The following GSTCD variants were observed in gnomAD, a reference collection of about 807,000 sequenced individuals.
GSTCD encodes the protein glutathione S-transferase C-terminal domain-containing protein.
A neutral mutation model predicts 68.3 loss-of-function variants in GSTCD; 44 were observed. That is an observed-to-expected ratio of 0.64 (90% CI 0.51 to 0.83). The LOEUF is 0.83. GSTCD is among the 40% of genes least tolerant of loss of function. GSTCD has a pLI of 0.00. For synonymous variants in GSTCD, 273 were observed against 255.2 expected, an observed-to-expected ratio of 1.07 and a Z score of -0.67; for missense variants, 739 against 735.9, an observed-to-expected ratio of 1.00 and a Z score of -0.05.
Position 105,717,580 on chromosome 4 carries a change from ATTTATAC to A in GSTCD, c.-21-8_-21-2del. ...ATATTCTAAGACCATAATCACTTCAATTTATACTTTAGGTGACCCAATGAAAGAAGAA... is the reference window on the plus strand; with the variant it reads ...ATATTCTAAGACCATAATCACTTCAATTTAGGTGACCCAATGAAAGAAGAA... On this transcript the variant is annotated splice_region_variant and splice_polypyrimidine_tract_variant and intron_variant, in intron 1 of 11. Coordinates refer to ENST00000515279, the MANE Select transcript of GSTCD (RefSeq NM_001370181.1). The A allele has an allele frequency of 7.0e-7, 1 of 1,433,834 alleles. No individual in the cohort carries two copies. The allele number at this position is 1,433,834 out of a possible 1,614,324, so 88.8% of individuals were successfully genotyped here. A position where few individuals can be genotyped will look rare whatever the true frequency, so the allele number is the denominator to read the frequency against.
At chr4:105,754,393 A>G (rs1431885087) in intron 5 of GSTCD, among the ~76,000 whole-genome samples, 1 of 152,206 alleles carries the variant, frequency 6.6e-6, no homozygotes, top group Non-Finnish European at 1.5e-5. Context: ...CATTATTTAA[A>G]TGGCATAAAT....
chr4:105,723,395 A>AT (rs1427462779), intron 3 of GSTCD, among the ~76,000 whole-genome samples: 1 of 151,912 alleles, frequency 6.6e-6, no homozygotes, highest in Non-Finnish European at 1.5e-5. Context: ...TTTGGAAAAA[A>AT]AATTGCATCT....
At chr4:105,717,311 C>A (rs553123380) in intron 1 of GSTCD, among the ~76,000 whole-genome samples, 1 of 152,106 alleles carries the variant, frequency 6.6e-6, no homozygotes, top group Admixed American at 6.5e-5. Context: ...ATAGTGAGAC[C>A]CCAAAATACT....
chr4:105,768,327 G>A (rs1029752161), intron 5 of GSTCD, among the ~76,000 whole-genome samples: 1 of 152,078 alleles, frequency 6.6e-6, no homozygotes, highest in Non-Finnish European at 1.5e-5. Context: ...ATCGCGCCCG[G>A]CCAATAATTT....
chr4:105,767,389 T>G lies in GSTCD; in HGVS notation c.1240+37890T>G, dbSNP rs191516872. ...AGTAAACTTAAGGTTAAACTTAATT[T>G]AAACAACCAATTTTACTGACTTTTA... On this transcript the variant is annotated intron_variant, in intron 5 of 11. Transcript: ENST00000515279. Among the ~76,000 whole-genome samples the G allele has an allele frequency of 1.9e-3, 291 of 152,312 alleles. 1 individual carries two copies. The highest frequency in any genetic ancestry group is 7.7e-3 in the South Asian group (37 of 4,822).
intron 5 of GSTCD, among the ~76,000 whole-genome samples, chr4:105,821,864 TTATA>T (rs1723310582): frequency 6.6e-6 from 1 of 151,894 alleles, no homozygotes; most frequent in Non-Finnish European, 1.5e-5. Flanking sequence ...ATAAATTTTT[TTATA>T]TAGTTTTTTA....
chr4:105,773,061 G>A lies in GSTCD; in HGVS notation c.1240+43562G>A, dbSNP rs148163696. ...CTTGTTATTGGTCTATTCAGGGATT[G>A]GACTTCTTCCTGGTTTAGTCCTGGG... is the stretch of plus-strand genomic sequence containing the variant. On this transcript the variant is annotated intron_variant, in intron 5 of 11. Coordinates refer to ENST00000515279, the MANE Select transcript of GSTCD (RefSeq NM_001370181.1). Among the ~76,000 whole-genome samples the A allele has an allele frequency of 2.4e-3, 366 of 152,134 alleles. 2 individuals carry two copies. The highest frequency in any genetic ancestry group is 8.6e-3 in the African/African-American group (355 of 41,500).
At position 105,749,634 on chromosome 4, in the gene GSTCD, TA is replaced by T. The variant is rs573128867; in HGVS notation, c.1240+20138del. ...CAAAAAAAAAAAAAAAATCTCTACCTAAATTGCACACTTATATTAAAGTTAA... is the reference window on the plus strand; with the variant it reads ...CAAAAAAAAAAAAAAAATCTCTACCTAATTGCACACTTATATTAAAGTTAA... On this transcript the variant is annotated intron_variant, in intron 5 of 11. Coordinates refer to ENST00000515279, the MANE Select transcript of GSTCD (RefSeq NM_001370181.1). 2.7e-3 allele frequency among the ~76,000 whole-genome samples: 408 copies of T among 151,302 alleles called. 1 individual carries two copies. The highest frequency in any genetic ancestry group is 4.9e-3 in the Admixed American group (75 of 15,194).
Position 105,834,633 on chromosome 4 carries a change from G to A in GSTCD, c.1664+39G>A, listed in dbSNP as rs748295099. 4 of 1,584,720 alleles carry A rather than the reference G, an allele frequency of 2.5e-6. 1 individual carries two copies. Among genetic ancestry groups the A allele is most frequent in the Non-Finnish European group, 1.7e-6 (2 of 1,159,870 alleles). ...TGTTCTACATAAGACACCAACATGG[G>A]TATAAGCCAGGACACAAAACTTGTT... On this transcript the variant is annotated intron_variant, in intron 9 of 11. Coordinates refer to ENST00000515279, the MANE Select transcript of GSTCD (RefSeq NM_001370181.1).
At chr4:105,806,040 C>A (rs1424817998) in intron 5 of GSTCD, among the ~76,000 whole-genome samples, 2 of 151,998 alleles carry the variant, frequency 1.3e-5, no homozygotes, top group Non-Finnish European at 2.9e-5. Context: ...TTTCATTCAT[C>A]TCCTTTTTCC....
At chr4:105,716,857 T>TAGGAGA (rs1732696257) in intron 1 of GSTCD, among the ~76,000 whole-genome samples, 2 of 152,044 alleles carry the variant, frequency 1.3e-5, no homozygotes, top group Admixed American at 1.3e-4. Context: ...TCAAGGAGAT[T>TAGGAGA]TTTGTAGGCT....
At chr4:105,715,351 T>A (rs1732651715) in intron 1 of GSTCD, among the ~76,000 whole-genome samples, 2 of 152,190 alleles carry the variant, frequency 1.3e-5, no homozygotes, top group African/African-American at 4.8e-5. Flanking sequence ...CTTTTTGTTT[T>A]AAAATTATCT....
At chr4:105,829,603 T>C (rs1723813783) in intron 8 of GSTCD, among the ~76,000 whole-genome samples, 1 of 152,156 alleles carries the variant, frequency 6.6e-6, no homozygotes, top group South Asian at 2.1e-4. Flanking sequence ...ATGGGACTTA[T>C]TCACTATCAT....
At position 105,836,621 on chromosome 4, in the gene GSTCD, G is replaced by A. The variant is rs966113887; in HGVS notation, c.1665-1238G>A. On this transcript the variant is annotated intron_variant, in intron 9 of 11. Transcript: ENST00000515279. ...TGCTCGTCAGTGCCCAAAGTCCAGA[G>A]GGGGCTGAGGCGGGGGTGGGGGCTG... is the stretch of plus-strand genomic sequence containing the variant. 7.2e-5 allele frequency among the ~76,000 whole-genome samples: 11 copies of A among 152,280 alleles called. No homozygotes were observed. The East Asian group carries it at 1.9e-3, about 27-fold the overall frequency.
chr4:105,784,721 A>G (rs921310931), intron 5 of GSTCD, among the ~76,000 whole-genome samples: 2 of 152,120 alleles, frequency 1.3e-5, no homozygotes, highest in Non-Finnish European at 2.9e-5. Context: ...TGTTTTCTTT[A>G]TCTGTATCAG....
intron 10 of GSTCD, among the ~76,000 whole-genome samples, chr4:105,841,549 G>A (rs1176102142): frequency 6.6e-6 from 1 of 151,814 alleles, no homozygotes; most frequent in Non-Finnish European, 1.5e-5. Context: ...GCTACATCTG[G>A]GCCAGCTGGG....
chr4:105,830,787 C>A (rs1723860669), intron 8 of GSTCD, among the ~76,000 whole-genome samples: 1 of 151,874 alleles, frequency 6.6e-6, no homozygotes, highest in Non-Finnish European at 1.5e-5. Context: ...GTTAAAAAAA[C>A]AAGCAGAAAC....
At chr4:105,770,851 C>G (rs1461730995) in intron 5 of GSTCD, among the ~76,000 whole-genome samples, 1 of 152,062 alleles carries the variant, frequency 6.6e-6, no homozygotes. Flanking sequence ...TGTGTCTTTA[C>G]AGCAGAATGA....
At chr4:105,757,776 T>A (rs1432484880) in intron 5 of GSTCD, among the ~76,000 whole-genome samples, 1 of 152,204 alleles carries the variant, frequency 6.6e-6, no homozygotes, top group Non-Finnish European at 1.5e-5. Context: ...ATATATTCCC[T>A]TGATTCTATA....
Sources: allele counts gnomAD v4.1 joint callset (sites outside exome capture counted in the v4.1 genomes callset), GRCh38; gene constraint gnomAD v4.1.1; transcripts MANE v1.5; gene names NCBI Gene and HGNC (gene_info 2026-07-23, HGNC 2026-07-21).